LPP: variants seen among roughly 807,000 people sequenced by gnomAD.
The protein encoded by LPP is lipoma-preferred partner.
Under a neutral mutation model 60.4 loss-of-function variants are expected in LPP, and 38 were observed. That is an observed-to-expected ratio of 0.63 (90% CI 0.49 to 0.83). The LOEUF is 0.83. Among genes scored for constraint, LPP ranks in the 40% least tolerant of loss-of-function variants. The pLI, the probability that LPP is intolerant of heterozygous loss-of-function variation, is 0.00. For synonymous variants in LPP, 328 were observed against 290.8 expected (o/e 1.13, Z -1.30); for missense variants, 902 against 783.6 (o/e 1.15, Z -1.80).
At chr3:188,841,801 T>G (rs1760087536) in intron 9 of LPP, among the ~76,000 whole-genome samples, 1 of 152,348 alleles carries the variant, frequency 6.6e-6, no homozygotes, top group African/African-American at 2.4e-5. Context: ...ATTCTCTTTG[T>G]AGCAATTGTG....
Position 188,877,088 on chromosome 3 carries a change from T to C in LPP, c.*2609T>C, listed in dbSNP as rs1262201228. The stretch of plus-strand genomic sequence containing the variant: ...AGTTTTTTTTTTCTTTCACAAGGTA[T>C]AATAAGGAAAGGATCCTACAATATT... On this transcript the variant is annotated 3_prime_UTR_variant, in exon 12 of 12. Transcript: ENST00000617246. 2.3e-5 allele frequency: 4 copies of C among 173,200 alleles called. No individual in the cohort carries two copies. The highest frequency in any genetic ancestry group is 3.7e-5 in the Non-Finnish European group (3 of 80,262). 10.7% of individuals were successfully genotyped at this position (173,200 alleles called of 1,614,324 possible). A position where few individuals can be genotyped will look rare whatever the true frequency, so the allele number is the denominator to read the frequency against.
At chr3:188,693,642 G>A (rs1862580893) in intron 7 of LPP, among the ~76,000 whole-genome samples, 1 of 152,146 alleles carries the variant, frequency 6.6e-6, no homozygotes, top group Admixed American at 6.5e-5. Context: ...GATGGCACCA[G>A]CGCAGCCCGA....
At position 188,187,274 on chromosome 3, in the gene LPP, C is replaced by T. The variant is rs1022992322; in HGVS notation, c.-190+33022C>T. ...TAGGTAAATATTGCTTAATACAGGGCTAAGTCATGTGCTGTGGTTTCATTT... is the reference window on the plus strand; with the variant it reads ...TAGGTAAATATTGCTTAATACAGGGTTAAGTCATGTGCTGTGGTTTCATTT... On this transcript the variant is annotated intron_variant, in intron 1 of 11. Coordinates refer to ENST00000617246, the MANE Select transcript of LPP (RefSeq NM_001375462.1). Among the ~76,000 whole-genome samples the T allele has an allele frequency of 2.6e-5, 4 of 152,186 alleles. No homozygotes were observed. The East Asian group carries it at 7.7e-4, about 29-fold the overall frequency.
chr3:188,361,296 C>T (rs1039057989), intron 3 of LPP, among the ~76,000 whole-genome samples: 1 of 152,022 alleles, frequency 6.6e-6, no homozygotes, highest in African/African-American at 2.4e-5. Flanking sequence ...ATAGTAGTAG[C>T]GGTTGCCATT....
intron 10 of LPP, 60 bp downstream of exon 10, chr3:188,866,438 C>T (rs1436163484): frequency 1.5e-6 from 2 of 1,295,508 alleles, no homozygotes; most frequent in African/African-American, 3.0e-5. Context: ...GTTCTTACTG[C>T]TTGGCATCTG....
intron 9 of LPP, among the ~76,000 whole-genome samples, chr3:188,789,125 T>C (rs1028468707): frequency 2.0e-5 from 3 of 152,156 alleles, no homozygotes; most frequent in African/African-American, 7.2e-5. Flanking sequence ...AATGTATTTT[T>C]TAATTAAGGT....
At chr3:188,213,134 C>T (rs1312171037) in intron 1 of LPP, 1 of 152,142 alleles carries the variant, frequency 6.6e-6, no homozygotes, top group African/African-American at 2.4e-5. Flanking sequence ...AAGGCTAAAG[C>T]AACAAGCTGG....
chr3:188,679,519 CTGTGTGTGTG>C (rs56733573), intron 7 of LPP, among the ~76,000 whole-genome samples: 21,180 of 143,080 alleles, frequency 0.15, 2,395 homozygotes, highest in East Asian at 0.68. Context: ...TTTGAATACT[CTGTGTGTGTG>C]TGTGTGTGTG....
chr3:188,787,432 G>A lies in LPP; in HGVS notation c.1410+27150G>A, dbSNP rs548978515. On this transcript the variant is annotated intron_variant, in intron 9 of 11. Coordinates refer to ENST00000617246, the MANE Select transcript of LPP (RefSeq NM_001375462.1). ...AGATCTCTCTCTCTTACACACACAC[G>A]CACACACACACATACATCTAAGCTT... Among the ~76,000 whole-genome samples, 606 of 150,890 alleles carry A rather than the reference G, an allele frequency of 4.0e-3. 6 individuals are homozygous for A. The highest frequency in any genetic ancestry group is 0.014 in the African/African-American group (581 of 41,130).
chr3:188,656,245 G>A (rs1251390894), intron 7 of LPP, among the ~76,000 whole-genome samples: 2 of 150,420 alleles, frequency 1.3e-5, no homozygotes, highest in African/African-American at 4.9e-5. Context: ...GAAGGTCTGT[G>A]CCCAGGCGCT....
chr3:188,314,703 C>G (rs1754523700), intron 2 of LPP, among the ~76,000 whole-genome samples: 1 of 152,192 alleles, frequency 6.6e-6, no homozygotes, highest in South Asian at 2.1e-4. Context: ...CGCCTGTAAT[C>G]CCAGCTACTC....
chr3:188,708,215 T>C (rs762358040), intron 7 of LPP, 52 bp from the exon 8 acceptor site: 3 of 1,601,498 alleles, frequency 1.9e-6, no homozygotes, highest in Non-Finnish European at 2.6e-6. Context: ...CTGACTGCCT[T>C]GGTTGATGGT....
chr3:188,598,312 T>C (rs1840378302), intron 6 of LPP, among the ~76,000 whole-genome samples: 1 of 152,120 alleles, frequency 6.6e-6, no homozygotes, highest in South Asian at 2.1e-4. Flanking sequence ...AAATTTGATT[T>C]TAGAATAGAG....
At chr3:188,357,611 CA>C (rs1411276306) in intron 3 of LPP, among the ~76,000 whole-genome samples, 2 of 152,082 alleles carry the variant, frequency 1.3e-5, no homozygotes, top group Non-Finnish European at 2.9e-5. Flanking sequence ...GATATTTATC[CA>C]AAATTCTGGA....
At chr3:188,718,002 G>T (rs769277177) in intron 8 of LPP, among the ~76,000 whole-genome samples, 2 of 152,052 alleles carry the variant, frequency 1.3e-5, no homozygotes, top group East Asian at 1.9e-4. Context: ...TGTATTTTTA[G>T]TAGAGACGAG....
intron 9 of LPP, among the ~76,000 whole-genome samples, chr3:188,849,096 A>G (rs1476451004): frequency 6.6e-6 from 1 of 152,230 alleles, no homozygotes; most frequent in African/African-American, 2.4e-5. Flanking sequence ...CACCGTGGTG[A>G]GCGAGGCCCA....
chr3:188,511,526 G>A (rs781484037), intron 5 of LPP, among the ~76,000 whole-genome samples: 1 of 151,818 alleles, frequency 6.6e-6, no homozygotes. Flanking sequence ...TATAATCTCT[G>A]CTTGGTGTTA....
intron 3 of LPP, among the ~76,000 whole-genome samples, chr3:188,366,104 T>A (rs1051565228): frequency 1.3e-5 from 2 of 152,246 alleles, no homozygotes; most frequent in Non-Finnish European, 2.9e-5. Context: ...TTGACTTTTT[T>A]AATTTGCACA....
rs151265768 is a variant in LPP, at chr3:188,179,094, C to CAGAGAGAGAG, written c.-190+24855_-190+24864dup. On this transcript the variant is annotated intron_variant, in intron 1 of 11. Transcript: ENST00000617246. ...AGCAAGAGAGAGGGAGGGAGAGAGA[C>CAGAGAGAGAG]AGAGAGAGAGAGAGAGAGAGAGGTT... is the stretch of plus-strand genomic sequence containing the variant. 4.2e-5 allele frequency: 11 copies of CAGAGAGAGAG among 264,802 alleles called. 1 individual carries two copies. Among genetic ancestry groups the CAGAGAGAGAG allele is most frequent in the Admixed American group, 3.0e-4 (6 of 19,880 alleles). The allele number at this position is 264,802 out of a possible 1,614,324, so 16.4% of individuals were successfully genotyped here. A position where few individuals can be genotyped will look rare whatever the true frequency, so the allele number is the denominator to read the frequency against.
Sources: allele counts gnomAD v4.1 joint callset (sites outside exome capture counted in the v4.1 genomes callset), GRCh38; gene constraint gnomAD v4.1.1; transcripts MANE v1.5; gene names NCBI Gene and HGNC (gene_info 2026-07-23, HGNC 2026-07-21).